ZHX3: variants seen among roughly 807,000 people sequenced by gnomAD.
ZHX3 encodes the protein zinc fingers and homeoboxes protein 3.
In ZHX3, 20 loss-of-function variants were observed where a neutral mutation model predicts 64.5. The ratio of observed to expected loss-of-function variants is 0.31; its 90% CI spans 0.22 to 0.45. The LOEUF is 0.45. Among genes scored for constraint, ZHX3 ranks in the 20% least tolerant of loss-of-function variants. ZHX3 has a pLI of 1.00. For missense variants in ZHX3, 1,041 were observed against 1,195.8 expected (o/e 0.87, Z 1.91); for synonymous variants, 423 against 461.6 (o/e 0.92, Z 1.07).
At chr20:41,245,856 C>T (rs1465193284) in intron 2 of ZHX3, among the ~76,000 whole-genome samples, 6 of 152,202 alleles carry the variant, frequency 3.9e-5, no homozygotes, top group Non-Finnish European at 8.8e-5. Flanking sequence ...TGAAAACACT[C>T]ATTATTTCTG....
intron 2 of ZHX3, among the ~76,000 whole-genome samples, chr20:41,207,588 ATGAC>A (rs1262248913): frequency 2.0e-5 from 3 of 152,254 alleles, no homozygotes; most frequent in Non-Finnish European, 4.4e-5. Flanking sequence ...CTGCTCCTGA[ATGAC>A]TACTGGGTAC....
chr20:41,248,610 G>A (rs1459213574), intron 2 of ZHX3, among the ~76,000 whole-genome samples: 1 of 152,210 alleles, frequency 6.6e-6, no homozygotes, highest in African/African-American at 2.4e-5. Context: ...TGTGGTTACA[G>A]CTCACTCTAA....
At chr20:41,270,670 C>G (rs1033569247) in intron 1 of ZHX3, among the ~76,000 whole-genome samples, 1 of 127,850 alleles carries the variant, frequency 7.8e-6, no homozygotes, top group African/African-American at 3.5e-5. Flanking sequence ...AGTGAGACTC[C>G]GTCTCAGAAA....
chr20:41,227,408 A>AGAGT (rs1444085538), intron 2 of ZHX3, among the ~76,000 whole-genome samples: 50 of 152,356 alleles, frequency 3.3e-4, no homozygotes, highest in African/African-American at 1.2e-3. Context: ...GGTGCAAAAT[A>AGAGT]TAAAACTCCA....
chr20:41,209,581 A>C (rs907696840), intron 2 of ZHX3, among the ~76,000 whole-genome samples: 1 of 152,232 alleles, frequency 6.6e-6, no homozygotes, highest in Non-Finnish European at 1.5e-5. Context: ...CTTGACAAAA[A>C]CAAGAAATGG....
chr20:41,213,437 A>C (rs1229012791), intron 2 of ZHX3, among the ~76,000 whole-genome samples: 3 of 152,168 alleles, frequency 2.0e-5, no homozygotes, highest in Non-Finnish European at 4.4e-5. Context: ...TTCCTGACTC[A>C]CCTTGGTAAT....
At chr20:41,215,527 A>C (rs1396404369) in intron 2 of ZHX3, among the ~76,000 whole-genome samples, 1 of 152,120 alleles carries the variant, frequency 6.6e-6, no homozygotes, top group Non-Finnish European at 1.5e-5. Flanking sequence ...AAGAACAGTA[A>C]GAATTCAATG....
At chr20:41,305,245 A>C (rs2044940488) in intron 1 of ZHX3, among the ~76,000 whole-genome samples, 1 of 152,212 alleles carries the variant, frequency 6.6e-6, no homozygotes, top group African/African-American at 2.4e-5. Flanking sequence ...GTTGGCTGGG[A>C]GCGGTGGTTC....
At chr20:41,276,475 A>C (rs1319521250) in intron 1 of ZHX3, among the ~76,000 whole-genome samples, 1 of 152,178 alleles carries the variant, frequency 6.6e-6, no homozygotes, top group African/African-American at 2.4e-5. Context: ...GTCTCAAAAC[A>C]ACTGCTGTGA....
intron 2 of ZHX3, among the ~76,000 whole-genome samples, chr20:41,265,195 C>T (rs932721560): frequency 6.7e-6 from 1 of 149,800 alleles, no homozygotes; most frequent in Non-Finnish European, 1.5e-5. Flanking sequence ...GAAGTCATTA[C>T]GATAAATTTT....
intron 2 of ZHX3, chr20:41,267,719 G>C (rs375117812): frequency 1.3e-5 from 2 of 152,372 alleles, no homozygotes; most frequent in South Asian, 2.1e-4. Flanking sequence ...CTTTGGAGCA[G>C]AAACCTGAAG....
Position 41,269,046 on chromosome 20 carries a change from A to G in ZHX3, c.-207T>C, listed in dbSNP as rs2042999038. On this transcript the variant is annotated 5_prime_UTR_variant, in exon 2 of 4. The change abolishes the stop of an existing upstream ORF in the 5' untranslated region. Transcript: ENST00000683867. Reference sequence around the variant, plus strand: ...TTTATGCAGTCCCACAAGCATCTCTAAAAGGTCACATGTTGCTTCTGCAGT... The same window carrying G: ...TTTATGCAGTCCCACAAGCATCTCTGAAAGGTCACATGTTGCTTCTGCAGT... 1 of 152,154 alleles carries G rather than the reference A, an allele frequency of 6.6e-6. No homozygotes were observed. Among genetic ancestry groups the G allele is most frequent in the Non-Finnish European group, 1.5e-5 (1 of 68,022 alleles). The allele number at this position is 152,154 out of a possible 1,614,324, so 9.4% of individuals were successfully genotyped here.
chr20:41,279,806 C>T (rs947557754), intron 1 of ZHX3, among the ~76,000 whole-genome samples: 2 of 152,112 alleles, frequency 1.3e-5, no homozygotes, highest in East Asian at 1.9e-4. Flanking sequence ...CAATTTGAAC[C>T]AAGCAAAAGA....
chr20:41,204,633 T>A lies in ZHX3; in HGVS notation c.284A>T (p.His95Leu). 6.2e-7 allele frequency: 1 copy of A among 1,614,276 alleles called. No homozygotes were observed. Among genetic ancestry groups the A allele is most frequent in the Non-Finnish European group, 8.5e-7 (1 of 1,180,046 alleles). The change falls in exon 3 of 4, where the codon CAT becomes CTT. Residue 95 changes from histidine to leucine, a missense_variant. Physicochemically the swap from His to Leu is moderately conservative, Grantham distance 99 (BLOSUM62 -3). This residue lies in a region of ZHX3 where 358 missense variants were observed against 369.1 expected (regional missense o/e 0.97). Coordinates refer to ENST00000683867, the MANE Select transcript of ZHX3 (RefSeq NM_001384317.1). This position sits in a 1 kb window ranked among gnomAD's most constrained non-coding sequence, Gnocchi z 6.6. ...AAAGTCTGTGTGCTCTGAGTTCATA[T>A]GTCCCACAAATTGGGTCATGTCATG... ...RSHDMTQFVGHMNSEHTDFNK... is the reference protein window; with the variant it reads ...RSHDMTQFVGLMNSEHTDFNK...
chr20:41,314,820 G>A (rs1169558916), intron 1 of ZHX3, among the ~76,000 whole-genome samples: 1 of 152,206 alleles, frequency 6.6e-6, no homozygotes, highest in East Asian at 1.9e-4. Flanking sequence ...AAGGTCATAT[G>A]AATAGATGGA....
At position 41,219,664 on chromosome 20, in the gene ZHX3, G is replaced by A. The variant is rs1283139739; in HGVS notation, c.-150-14598C>T. The stretch of plus-strand genomic sequence containing the variant: ...TACAAGGATTTTTGAAAAGATGCTA[G>A]CTAGCCCTATAACTCAAGAAGCTAA... On this transcript the variant is annotated intron_variant, in intron 2 of 3. Coordinates refer to ENST00000683867, the MANE Select transcript of ZHX3 (RefSeq NM_001384317.1). This position sits in a 1 kb window ranked among gnomAD's most constrained non-coding sequence, Gnocchi z 5.0. Among the ~76,000 whole-genome samples the A allele has an allele frequency of 6.6e-6, 1 of 152,256 alleles. No individual in the cohort carries two copies. Among genetic ancestry groups the A allele is most frequent in the Non-Finnish European group, 1.5e-5 (1 of 68,038 alleles).
rs565591311 is a variant in ZHX3, at chr20:41,279,415, A to T, written c.-244-10332T>A. On this transcript the variant is annotated intron_variant, in intron 1 of 3. Coordinates refer to ENST00000683867, the MANE Select transcript of ZHX3 (RefSeq NM_001384317.1). ...AACAGTATCTTACAACTTTAAATGC[A>T]TTTTTTTTTTAACTAACAGAATGAA... Among the ~76,000 whole-genome samples the T allele has an allele frequency of 3.5e-4, 53 of 149,606 alleles. 1 individual carries two copies. The East Asian group carries it at 4.9e-3, about 14-fold the overall frequency.
At chr20:41,261,987 TCCA>T (rs2042584974) in intron 2 of ZHX3, among the ~76,000 whole-genome samples, 1 of 152,172 alleles carries the variant, frequency 6.6e-6, no homozygotes, top group South Asian at 2.1e-4. Flanking sequence ...GGTCAGTAGT[TCCA>T]CCATCTATCA....
chr20:41,216,750 G>A (rs2039562992), intron 2 of ZHX3, among the ~76,000 whole-genome samples: 1 of 152,186 alleles, frequency 6.6e-6, no homozygotes, highest in Admixed American at 6.5e-5. Context: ...TAAAATTGCA[G>A]TAGCATTTAA....
Sources: allele counts gnomAD v4.1 joint callset (sites outside exome capture counted in the v4.1 genomes callset), GRCh38; gene constraint gnomAD v4.1.1; regional missense constraint gnomAD v4.1.1; non-coding constraint Gnocchi (gnomAD v3.1); transcripts MANE v1.5; gene names NCBI Gene and HGNC (gene_info 2026-07-23, HGNC 2026-07-21).